CCBE1: variants seen among roughly 807,000 people sequenced by gnomAD.
CCBE1 encodes collagen and calcium-binding EGF domain-containing protein 1.
In CCBE1, 37 loss-of-function variants were observed where a neutral mutation model predicts 50.0. The observed-to-expected ratio is 0.74, with a 90% CI of 0.57 to 0.97. The LOEUF (loss-of-function observed/expected upper bound fraction) is 0.97, where lower values mean the gene tolerates loss of function less well. CCBE1 is among the 50% of genes least tolerant of loss of function. The pLI is 0.00. For missense variants in CCBE1, 538 were observed against 523.8 expected (o/e 1.03, Z -0.26); for synonymous variants, 234 against 203.7 (o/e 1.15, Z -1.27).
At chr18:59,560,247 G>T (rs1360875622) in intron 2 of CCBE1, among the ~76,000 whole-genome samples, 1 of 152,222 alleles carries the variant, frequency 6.6e-6, no homozygotes, top group Non-Finnish European at 1.5e-5. Context: ...CAGTGCATGG[G>T]TATGCCCATA....
chr18:59,540,851 A>T (rs1417278837), intron 2 of CCBE1, among the ~76,000 whole-genome samples: 2 of 152,226 alleles, frequency 1.3e-5, no homozygotes, highest in East Asian at 1.9e-4. Context: ...TTACAGAAGA[A>T]GTTCATCAAT....
chr18:59,531,511 G>C (rs1026893463), intron 2 of CCBE1, among the ~76,000 whole-genome samples: 2 of 152,164 alleles, frequency 1.3e-5, no homozygotes, highest in Non-Finnish European at 2.9e-5. Context: ...ACTTTGGGAG[G>C]CTGAGGCAGG....
chr18:59,571,368 A>G (rs1166598736), intron 2 of CCBE1, among the ~76,000 whole-genome samples: 1 of 151,876 alleles, frequency 6.6e-6, no homozygotes, highest in Admixed American at 6.6e-5. Context: ...TCAGCACACT[A>G]TCGCAAGGAC....
chr18:59,629,306 CA>C (rs2053824249), intron 2 of CCBE1, among the ~76,000 whole-genome samples: 1 of 152,188 alleles, frequency 6.6e-6, no homozygotes, highest in Non-Finnish European at 1.5e-5. Context: ...GGTCTTTGCT[CA>C]AAGGTCATCT....
At chr18:59,652,479 C>CG (rs1482601078) in intron 2 of CCBE1, among the ~76,000 whole-genome samples, 2 of 109,626 alleles carry the variant, frequency 1.8e-5, no homozygotes, top group Non-Finnish European at 4.4e-5. Flanking sequence ...CTGACTCCCC[C>CG]CCTTTTTTTT....
intron 2 of CCBE1, among the ~76,000 whole-genome samples, chr18:59,627,497 T>C (rs1390185814): frequency 6.6e-6 from 1 of 152,192 alleles, no homozygotes; most frequent in Non-Finnish European, 1.5e-5. Context: ...GAAATAGGTG[T>C]TATTTCTTAT....
intron 2 of CCBE1, among the ~76,000 whole-genome samples, chr18:59,572,781 T>C (rs531629429): frequency 6.6e-6 from 1 of 152,262 alleles, no homozygotes; most frequent in African/African-American, 2.4e-5. Context: ...CTCAGAACAT[T>C]TGTGCTTCAT....
intron 2 of CCBE1, among the ~76,000 whole-genome samples, chr18:59,636,935 A>T (rs932035917): frequency 7.2e-5 from 11 of 152,236 alleles, no homozygotes; most frequent in Non-Finnish European, 1.0e-4. Context: ...TTAAATGCAA[A>T]TAATTAGCAT....
chr18:59,654,397 G>C (rs2054160667), intron 2 of CCBE1, among the ~76,000 whole-genome samples: 1 of 152,180 alleles, frequency 6.6e-6, no homozygotes, highest in African/African-American at 2.4e-5. Context: ...AGACCAAGGT[G>C]GGTGGATCAC....
At chr18:59,628,041 C>T (rs1393498252) in intron 2 of CCBE1, among the ~76,000 whole-genome samples, 1 of 151,978 alleles carries the variant, frequency 6.6e-6, no homozygotes, top group Admixed American at 6.6e-5. Flanking sequence ...AACGACACCC[C>T]GTCTCTACAA....
At chr18:59,567,107 G>T (rs765193082) in intron 2 of CCBE1, among the ~76,000 whole-genome samples, 3 of 151,990 alleles carry the variant, frequency 2.0e-5, no homozygotes, top group Non-Finnish European at 2.9e-5. Context: ...GGTTTTAAAC[G>T]CATTTTTTCT....
At chr18:59,562,888 T>C (rs989297407) in intron 2 of CCBE1, among the ~76,000 whole-genome samples, 2 of 72,354 alleles carry the variant, frequency 2.8e-5, no homozygotes, top group Non-Finnish European at 5.0e-5. Flanking sequence ...GCCTTAGAGG[T>C]TTCGATCTCG....
chr18:59,475,024 C>A (rs939540936), intron 3 of CCBE1, among the ~76,000 whole-genome samples: 36 of 152,156 alleles, frequency 2.4e-4, no homozygotes, highest in Admixed American at 1.8e-3. Context: ...CTGCCCTGCC[C>A]ATTTTGTGCA....
At chr18:59,482,519 A>G (rs1165718508) in intron 2 of CCBE1, among the ~76,000 whole-genome samples, 1 of 152,220 alleles carries the variant, frequency 6.6e-6, no homozygotes, top group African/African-American at 2.4e-5. Flanking sequence ...AGCACTATTC[A>G]CAATAGCAAA....
chr18:59,479,368 T>G (rs1367164136), intron 3 of CCBE1, among the ~76,000 whole-genome samples: 1 of 152,210 alleles, frequency 6.6e-6, no homozygotes, highest in African/African-American at 2.4e-5. Context: ...TTGACTGCCC[T>G]GGGCCTCTGT....
intron 2 of CCBE1, among the ~76,000 whole-genome samples, chr18:59,552,345 T>C (rs1915959851): frequency 6.6e-6 from 1 of 152,254 alleles, no homozygotes; most frequent in Non-Finnish European, 1.5e-5. Context: ...TTGTGTATTA[T>C]GAAGTAACAC....
chr18:59,641,487 C>T (rs1325140102), intron 2 of CCBE1, among the ~76,000 whole-genome samples: 1 of 152,094 alleles, frequency 6.6e-6, no homozygotes, highest in Admixed American at 6.6e-5. Context: ...GAAACACTAC[C>T]TATTGGGTAC....
At chr18:59,473,513 G>A (rs1203158181) in intron 3 of CCBE1, among the ~76,000 whole-genome samples, 1 of 152,010 alleles carries the variant, frequency 6.6e-6, no homozygotes, top group African/African-American at 2.4e-5. Flanking sequence ...TACTCCCTCT[G>A]TGTGGAATTT....
At chr18:59,692,955 AGCACACACACACACAC>A (rs140352128) in intron 2 of CCBE1, among the ~76,000 whole-genome samples, 52,440 of 143,088 alleles carry the variant, frequency 0.37, 9,949 homozygotes, top group Non-Finnish European at 0.43. Context: ...GTCAAGCCAA[AGCACACACACACACAC>A]ACACACACAC....
Sources: allele counts gnomAD v4.1 joint callset (sites outside exome capture counted in the v4.1 genomes callset), GRCh38; gene constraint gnomAD v4.1.1; transcripts MANE v1.5; gene names NCBI Gene and HGNC (gene_info 2026-07-23, HGNC 2026-07-21).